The following PDZRN4 variants were observed in gnomAD, a reference collection of about 807,000 sequenced individuals.
PDZRN4 encodes the protein PDZ domain containing ring finger 4.
Under a neutral mutation model 99.0 loss-of-function variants are expected in PDZRN4, and 70 were observed. The observed-to-expected ratio is 0.71, with a 90% CI of 0.58 to 0.86. The LOEUF is 0.86. Ranked by LOEUF, PDZRN4 falls within the 40% of genes least tolerant of loss-of-function variation. PDZRN4 has a pLI of 0.00. For missense variants in PDZRN4, 1,474 were observed against 1,331.2 expected (o/e 1.11, Z -1.67); for synonymous variants, 551 against 501.6 (o/e 1.10, Z -1.32).
At chr12:41,282,548 C>A (rs1196645580) in intron 3 of PDZRN4, among the ~76,000 whole-genome samples, 2 of 152,144 alleles carry the variant, frequency 1.3e-5, no homozygotes, top group Admixed American at 6.5e-5. Context: ...GAACTCTTCA[C>A]CCAAAATCAA....
At position 41,317,048 on chromosome 12, in the gene PDZRN4, GTATATATA is replaced by G. The variant is rs33919115; in HGVS notation, c.843+122879_843+122886del. Among the ~76,000 whole-genome samples the G allele has an allele frequency of 2.4e-4, 17 of 69,586 alleles. 2 individuals are homozygous for G. The East Asian group carries it at 3.3e-3, about 14-fold the overall frequency. 45.7% of individuals were successfully genotyped at this position (69,586 alleles called of 152,430 possible). On this transcript the variant is annotated intron_variant, in intron 3 of 9. Coordinates refer to ENST00000402685, the MANE Select transcript of PDZRN4 (RefSeq NM_001164595.2). The stretch of plus-strand genomic sequence containing the variant: ...TCCAGAGAATCATAACTTACATAAA[GTATATATA>G]TATATATATATATATATAGTATATT...
chr12:41,252,377 T>C (rs1213202511), intron 3 of PDZRN4, among the ~76,000 whole-genome samples: 1 of 152,120 alleles, frequency 6.6e-6, no homozygotes, highest in African/African-American at 2.4e-5. Context: ...TGACCACTGA[T>C]AGAGGCAAAT....
At chr12:41,231,019 T>C (rs1951025255) in intron 3 of PDZRN4, among the ~76,000 whole-genome samples, 1 of 152,090 alleles carries the variant, frequency 6.6e-6, no homozygotes, top group African/African-American at 2.4e-5. Context: ...TGTGGTTTAA[T>C]GGAGTGTGTA....
intron 3 of PDZRN4, among the ~76,000 whole-genome samples, chr12:41,434,315 T>C (rs1952610560): frequency 6.6e-6 from 1 of 152,086 alleles, no homozygotes; most frequent in South Asian, 2.1e-4. Context: ...TGCTCACATT[T>C]GAAAAGGCTA....
At chr12:41,473,821 C>T (rs1324147066) in intron 3 of PDZRN4, among the ~76,000 whole-genome samples, 1 of 152,110 alleles carries the variant, frequency 6.6e-6, no homozygotes, top group Middle Eastern at 3.2e-3. Flanking sequence ...TACTAAGTGA[C>T]CAAGTTATAA....
intron 3 of PDZRN4, chr12:41,460,218 G>C: frequency 1.9e-6 from 1 of 515,240 alleles, no homozygotes; most frequent in South Asian, 2.2e-5. Flanking sequence ...AGTCAGGTAG[G>C]TTTTAGGAAT....
intron 9 of PDZRN4, among the ~76,000 whole-genome samples, chr12:41,569,974 C>T (rs1454539012): frequency 2.6e-5 from 4 of 151,822 alleles, no homozygotes; most frequent in African/African-American, 9.7e-5. Context: ...AAAGTCCTTG[C>T]TCCAGGCTTT....
rs770227240 is a variant in PDZRN4 at position 41,572,894 on chromosome 12, A to G, written c.2115A>G (p.Gly705=). 9 of 1,614,170 alleles carry G rather than the reference A, an allele frequency of 5.6e-6. No homozygotes were observed. The East Asian group carries it at 1.8e-4, about 32-fold the overall frequency. The change falls in exon 10 of 10, where the codon GGA becomes GGG. Residue 705 remains glycine, a synonymous_variant. Coordinates refer to ENST00000402685, the MANE Select transcript of PDZRN4 (RefSeq NM_001164595.2). Reference sequence around the variant, plus strand: ...GAGACATCTGGACATTGCATGATGGAGGATTCCGGAATTATAACACCAGCA... The same window carrying G: ...GAGACATCTGGACATTGCATGATGGGGGATTCCGGAATTATAACACCAGCA... ...QYGDIWTLHD[G]GFRNYNTSID... is the part of the protein sequence containing the mutation.
intron 3 of PDZRN4, among the ~76,000 whole-genome samples, chr12:41,387,210 C>G (rs930267525): frequency 1.3e-5 from 2 of 152,130 alleles, no homozygotes; most frequent in Non-Finnish European, 2.9e-5. Flanking sequence ...TTTTTTCAAA[C>G]TATTCCTCTA....
intron 5 of PDZRN4, among the ~76,000 whole-genome samples, chr12:41,547,580 A>G (rs1938979020): frequency 6.6e-6 from 1 of 152,104 alleles, no homozygotes; most frequent in African/African-American, 2.4e-5. Flanking sequence ...AGCCGAGATC[A>G]TATCACTGCA....
At position 41,317,527 on chromosome 12, in the gene PDZRN4, G is replaced by A. The variant is rs191823011; in HGVS notation, c.843+123339G>A. Among the ~76,000 whole-genome samples, 96 of 152,194 alleles carry A rather than the reference G, an allele frequency of 6.3e-4. 2 individuals carry two copies. The East Asian group carries it at 0.015, about 23-fold the overall frequency. On this transcript the variant is annotated intron_variant, in intron 3 of 9. Coordinates refer to ENST00000402685, the MANE Select transcript of PDZRN4 (RefSeq NM_001164595.2). ...TGGTATAACCAAATATATGGGAACT[G>A]TGACTAGCCAAGTTGACCCATAAAA...
chr12:41,394,865 C>A (rs1194014040), intron 3 of PDZRN4, among the ~76,000 whole-genome samples: 1 of 151,718 alleles, frequency 6.6e-6, no homozygotes, highest in East Asian at 1.9e-4. Flanking sequence ...AAACCAGAAG[C>A]CACAGTCTTT....
chr12:41,443,542 A>G (rs1252520793), intron 3 of PDZRN4, among the ~76,000 whole-genome samples: 1 of 152,128 alleles, frequency 6.6e-6, no homozygotes, highest in African/African-American at 2.4e-5. Flanking sequence ...TAAGAGTTCA[A>G]TTGTAGATTT....
chr12:41,509,623 T>C (rs1033089645), intron 4 of PDZRN4, 188 bp from the exon 5 acceptor site: 4 of 401,946 alleles, frequency 1.0e-5, no homozygotes, highest in African/African-American at 6.2e-5. Flanking sequence ...AAATTGCAAA[T>C]TGATGGACTT....
At chr12:41,402,184 TATATATACAC>T (rs1952296804) in intron 3 of PDZRN4, among the ~76,000 whole-genome samples, 1 of 103,376 alleles carries the variant, frequency 9.7e-6, no homozygotes, top group Non-Finnish European at 2.0e-5. Flanking sequence ...TGAGTATATA[TATATATACAC>T]ACACACTGAG....
chr12:41,449,783 G>T (rs1276432358), intron 3 of PDZRN4, among the ~76,000 whole-genome samples: 1 of 152,156 alleles, frequency 6.6e-6, no homozygotes, highest in Non-Finnish European at 1.5e-5. Context: ...ATCTCCTTTT[G>T]CTGCCTTCTG....
chr12:41,437,957 T>G, intron 3 of PDZRN4: 2 of 1,614,086 alleles, frequency 1.2e-6, no homozygotes, highest in Middle Eastern at 3.3e-4. Context: ...GGGCTGCAAT[T>G]TGTGCACTTT....
Position 41,356,162 on chromosome 12 carries a change from A to G in PDZRN4, c.844-150294A>G, listed in dbSNP as rs556413702. Among the ~76,000 whole-genome samples, 231 of 152,154 alleles carry G rather than the reference A, an allele frequency of 1.5e-3. 1 individual carries two copies. Among genetic ancestry groups the G allele is most frequent in the African/African-American group, 5.1e-3 (212 of 41,562 alleles). ...TAAACATAAACTAAGCACACTTTCA[A>G]TTTAGAAACTAAGAATCTTTGAAAC... On this transcript the variant is annotated intron_variant, in intron 3 of 9. Coordinates refer to ENST00000402685, the MANE Select transcript of PDZRN4 (RefSeq NM_001164595.2).
chr12:41,508,678 C>G (rs899858982), intron 4 of PDZRN4, among the ~76,000 whole-genome samples: 1 of 152,162 alleles, frequency 6.6e-6, no homozygotes, highest in African/African-American at 2.4e-5. Flanking sequence ...AGACACAAGG[C>G]AAGGTGCTGC....
Sources: allele counts gnomAD v4.1 joint callset (sites outside exome capture counted in the v4.1 genomes callset), GRCh38; gene constraint gnomAD v4.1.1; transcripts MANE v1.5; gene names NCBI Gene and HGNC (gene_info 2026-07-23, HGNC 2026-07-21).